The following MSL1 variants were observed in gnomAD, a reference collection of about 807,000 sequenced individuals.
MSL1 encodes male-specific lethal 1 homolog.
A neutral mutation model predicts 64.6 loss-of-function variants in MSL1; 21 were observed. The observed-to-expected ratio is 0.33, with a 90% CI of 0.23 to 0.47. MSL1 has a LOEUF of 0.47. Ranked by LOEUF, MSL1 falls within the 20% of genes least tolerant of loss-of-function variation. The probability of loss-of-function intolerance (pLI) is 1.00; values close to 1 mark genes in which losing one functional copy is unlikely to be tolerated. For missense variants in MSL1, 664 were observed against 793.2 expected (o/e 0.84, Z 1.96); for synonymous variants, 339 against 329.6 (o/e 1.03, Z -0.31).
intron 1 of MSL1, 133 bp downstream of exon 1, chr17:40,123,513 T>A: frequency 1.3e-6 from 1 of 799,054 alleles, no homozygotes; most frequent in Non-Finnish European, 2.0e-6. Flanking sequence ...AGGAGTATCT[T>A]AGGCGCTGGG....
rs990961341 is a variant in MSL1 at position 40,122,956 on chromosome 17, G to C, written c.344G>C (p.Gly115Ala). The change falls in exon 1 of 9, where the codon GGG becomes GCG. Residue 115 changes from glycine to alanine, a missense_variant. By Grantham distance (60) the Gly-to-Ala change is moderately conservative (BLOSUM62 0). This residue lies in a region of MSL1 where 466 missense variants were observed against 499.0 expected (regional missense o/e 0.93). Coordinates refer to ENST00000398532, the MANE Select transcript of MSL1 (RefSeq NM_001365919.1). The surrounding 1 kb of genome is among the most constrained non-coding windows in gnomAD (Gnocchi z 4.2). The part of the protein sequence containing the change: ...PPPATKQAGI[G>A]GEPAAAGAGC... ...CCGGCCACCAAGCAAGCCGGCATTGGGGGGGAGCCTGCCGCAGCCGGAGCC... is the reference window on the plus strand; with the variant it reads ...CCGGCCACCAAGCAAGCCGGCATTGCGGGGGAGCCTGCCGCAGCCGGAGCC... The C allele has an allele frequency of 5.0e-5, 76 of 1,526,210 alleles. No individual in the cohort carries two copies. The highest frequency in any genetic ancestry group is 1.5e-4 in the East Asian group (6 of 39,446). 94.5% of individuals were successfully genotyped at this position (1,526,210 alleles called of 1,614,324 possible).
chr17:40,122,561 C>T lies in MSL1; in HGVS notation c.-52C>T. 7.5e-7 allele frequency: 1 copy of T among 1,337,062 alleles called. No individual in the cohort carries two copies. The highest frequency in any genetic ancestry group is 9.6e-7 in the Non-Finnish European group (1 of 1,036,402). The allele number at this position is 1,337,062 out of a possible 1,614,324, so 82.8% of individuals were successfully genotyped here. A position where few individuals can be genotyped will look rare whatever the true frequency, so the allele number is the denominator to read the frequency against. ...CAGTCCTCGACCCCCCGCACCTCGC[C>T]CCTTCCCCACCCCCTCCTCCGCCTC... On this transcript the variant is annotated 5_prime_UTR_variant, in exon 1 of 9. Coordinates refer to ENST00000398532, the MANE Select transcript of MSL1 (RefSeq NM_001365919.1). The surrounding 1 kb of genome is among the most constrained non-coding windows in gnomAD (Gnocchi z 4.2).
rs768987630 is a variant in MSL1 at position 40,133,909 on chromosome 17, C to T, written c.1754+10C>T. The T allele has an allele frequency of 6.2e-7, 1 of 1,610,430 alleles. No individual in the cohort carries two copies. Among genetic ancestry groups the T allele is most frequent in the Non-Finnish European group, 8.5e-7 (1 of 1,176,626 alleles). ...CAAAATTAACTCCACAGTAAGTATA[C>T]ATTTTTTTTCTCCCCTTCCAGGTAA... On this transcript the variant is annotated intron_variant, in intron 8 of 8. Transcript: ENST00000398532.
At position 40,122,639 on chromosome 17, in the gene MSL1, G is replaced by T; in HGVS notation, c.27G>T (p.Lys9Asn). MTMRSAVFKAAAAPAGGNP... is the reference protein window; with the variant it reads MTMRSAVFNAAAAPAGGNP... The stretch of plus-strand genomic sequence containing the variant: ...TGACCATGAGATCCGCGGTGTTCAA[G>T]GCGGCCGCGGCCCCTGCCGGCGGCA... The change falls in exon 1 of 9, where the codon AAG becomes AAT. Residue 9 changes from lysine (K) to asparagine (N), a missense_variant. By Grantham distance (94) the Lys-to-Asn change is moderately conservative. Transcript: ENST00000398532. This position sits in a 1 kb window ranked among gnomAD's most constrained non-coding sequence, Gnocchi z 4.2. The T allele has an allele frequency of 6.7e-7, 1 of 1,489,990 alleles. No homozygotes were observed. Among genetic ancestry groups the T allele is most frequent in the Admixed American group, 2.2e-5 (1 of 45,062 alleles). 92.3% of individuals were successfully genotyped at this position (1,489,990 alleles called of 1,614,324 possible).
intron 5 of MSL1, 100 bp from the exon 6 acceptor site, chr17:40,132,942 G>A: frequency 2.6e-6 from 3 of 1,137,600 alleles, no homozygotes; most frequent in Non-Finnish European, 3.8e-6. Flanking sequence ...GAACCGGAAG[G>A]TGAAAGATTT....
intron 1 of MSL1, among the ~76,000 whole-genome samples, 186 bp downstream of exon 1, chr17:40,123,566 G>A (rs1988244135): frequency 1.3e-5 from 2 of 152,074 alleles, no homozygotes; most frequent in Admixed American, 6.5e-5. Context: ...TTGGAGGGAA[G>A]GGTTAAAGGG....
Position 40,135,670 on chromosome 17 carries a change from G to C in MSL1, c.*1301G>C, listed in dbSNP as rs914619478. 1.2e-4 allele frequency: 19 copies of C among 152,218 alleles called. No individual in the cohort carries two copies. The highest frequency in any genetic ancestry group is 4.3e-4 in the African/African-American group (18 of 41,440). 9.4% of individuals were successfully genotyped at this position (152,218 alleles called of 1,614,324 possible). A position where few individuals can be genotyped will look rare whatever the true frequency, so the allele number is the denominator to read the frequency against. On this transcript the variant is annotated 3_prime_UTR_variant, in exon 9 of 9. Transcript: ENST00000398532. The stretch of plus-strand genomic sequence containing the variant: ...CTGGCCCATCAGTGGAGCACGAAGA[G>C]AGAATGGGATACCATTGTGGGAAGA...
At chr17:40,133,371 A>G in intron 6 of MSL1, 163 bp from the exon 7 acceptor site, 1 of 916,380 alleles carries the variant, frequency 1.1e-6, no homozygotes, top group Non-Finnish European at 1.6e-6. Flanking sequence ...CGGTAGACCT[A>G]AACAGCTCTC....
Position 40,134,647 on chromosome 17 carries a change from G to C in MSL1, c.*278G>C, listed in dbSNP as rs745447621. 8 of 428,450 alleles carry C rather than the reference G, an allele frequency of 1.9e-5. No homozygotes were observed. The highest frequency in any genetic ancestry group is 2.6e-5 in the Non-Finnish European group (6 of 232,836). 26.5% of individuals were successfully genotyped at this position (428,450 alleles called of 1,614,324 possible). ...GGATGGCAGATTCAGAAGTTTCAGGGGTCTGTTTCTATACATTTGCCTATG... is the reference window on the plus strand; with the variant it reads ...GGATGGCAGATTCAGAAGTTTCAGGCGTCTGTTTCTATACATTTGCCTATG... On this transcript the variant is annotated 3_prime_UTR_variant, in exon 9 of 9. Transcript: ENST00000398532.
rs1283222644 is a variant in MSL1 at position 40,136,255 on chromosome 17, C to A, written c.*1886C>A. On this transcript the variant is annotated 3_prime_UTR_variant, in exon 9 of 9. Coordinates refer to ENST00000398532, the MANE Select transcript of MSL1 (RefSeq NM_001365919.1). The stretch of plus-strand genomic sequence containing the variant: ...TTAACCATTGTGTTTGTGCCCTACC[C>A]AGGGGACTCCCCAGTTTCTGACTTG... 6.6e-6 allele frequency: 1 copy of A among 152,342 alleles called. No homozygotes were observed. The highest frequency in any genetic ancestry group is 2.1e-4 in the South Asian group (1 of 4,832). The allele number at this position is 152,342 out of a possible 1,614,324, so 9.4% of individuals were successfully genotyped here.
chr17:40,133,649 C>G lies in MSL1; in HGVS notation c.1672C>G (p.Pro558Ala), dbSNP rs761346480. 6.2e-7 allele frequency: 1 copy of G among 1,613,518 alleles called. No homozygotes were observed. The highest frequency in any genetic ancestry group is 1.1e-5 in the South Asian group (1 of 91,036). The change falls in exon 7 of 9, where the codon CCA (proline) becomes GCA (alanine). Residue 558 changes from proline (P) to alanine (A), a missense_variant. Transcript: ENST00000398532. ...EPEVTSFFPE[P>A]DDVESLMITP... is the part of the protein sequence containing the mutation. ...TGAGGTTACCTCATTTTTCCCTGAG[C>G]CAGATGATGGTAAGTTGTGTCCATC...
intron 1 of MSL1, 99 bp downstream of exon 1, chr17:40,123,479 G>T: frequency 8.2e-7 from 1 of 1,218,154 alleles, no homozygotes; most frequent in Admixed American, 2.5e-5. Context: ...CGGGTTAGGG[G>T]TAAAGGAGGT....
At chr17:40,127,531 G>T (rs1248123420) in intron 2 of MSL1, among the ~76,000 whole-genome samples, 1 of 152,002 alleles carries the variant, frequency 6.6e-6, no homozygotes, top group Non-Finnish European at 1.5e-5. Flanking sequence ...CCCAGGCTGG[G>T]GTGCAAGTGT....
At chr17:40,123,472 G>A (rs1194286034) in intron 1 of MSL1, 92 bp downstream of exon 1, 2 of 1,320,022 alleles carry the variant, frequency 1.5e-6, no homozygotes, top group African/African-American at 1.5e-5. Flanking sequence ...GCACCCCCGG[G>A]TTAGGGGTAA....
Position 40,126,334 on chromosome 17 carries a change from A to C in MSL1, c.920A>C (p.Glu307Ala), listed in dbSNP as rs1158525208. The change falls in exon 2 of 9, where the codon GAG (glutamate) becomes GCG (alanine). Residue 307 changes from glutamate (E) to alanine (A), a missense_variant. By Grantham distance (107) the Glu-to-Ala change is moderately radical. Around this residue, in one of 4 missense-constraint regions of MSL1, gnomAD observed 466 missense variants for 499.0 expected, o/e 0.93. Transcript: ENST00000398532. ...SEKIKLECQP[E>A]LSETSQTLPP... Reference sequence around the variant, plus strand: ...AAAATTAAACTGGAGTGCCAGCCGGAGCTTTCCGAGACATCCCAGACTCTG... The same window carrying C: ...AAAATTAAACTGGAGTGCCAGCCGGCGCTTTCCGAGACATCCCAGACTCTG... 5 of 1,613,884 alleles carry C rather than the reference A, an allele frequency of 3.1e-6. No homozygotes were observed. The Admixed American group carries it at 8.3e-5, about 27-fold the overall frequency.
rs754634529 is a variant in MSL1 at position 40,126,193 on chromosome 17, G to T, written c.779G>T (p.Arg260Leu). 1 of 1,613,812 alleles carries T rather than the reference G, an allele frequency of 6.2e-7. No individual in the cohort carries two copies. Among genetic ancestry groups the T allele is most frequent in the Non-Finnish European group, 8.5e-7 (1 of 1,179,894 alleles). ...LKSERDTLLA[R>L]IERMERRMQL... ...TACTCTCTCTTTTAGCTCCTTGCTC[G>T]GATTGAACGTATGGAAAGGCGGATG... is the stretch of plus-strand genomic sequence containing the variant. Residue 260 changes from arginine to leucine, a missense_variant, in exon 2 of 9, where the codon CGG (arginine) becomes CTG (leucine). This residue lies in a region of MSL1 where 466 missense variants were observed against 499.0 expected (regional missense o/e 0.93). Transcript: ENST00000398532.
rs1393366997 is a variant in MSL1, at chr17:40,135,795, A to C, written c.*1426A>C. ...CTTTTAAAGGAATTATTCTGGCAGC[A>C]CATGTAGTATTCTTGGATGATCTTG... is the stretch of plus-strand genomic sequence containing the variant. On this transcript the variant is annotated 3_prime_UTR_variant, in exon 9 of 9. Coordinates refer to ENST00000398532, the MANE Select transcript of MSL1 (RefSeq NM_001365919.1). 1 of 152,284 alleles carries C rather than the reference A, an allele frequency of 6.6e-6. No individual in the cohort carries two copies. Among genetic ancestry groups the C allele is most frequent in the Non-Finnish European group, 1.5e-5 (1 of 68,032 alleles). The allele number at this position is 152,284 out of a possible 1,614,324, so 9.4% of individuals were successfully genotyped here.
chr17:40,132,136 G>A, intron 5 of MSL1, 38 bp downstream of exon 5: 1 of 1,423,234 alleles, frequency 7.0e-7, no homozygotes, highest in South Asian at 1.2e-5. Flanking sequence ...GAGAGTAAGA[G>A]ATTAAATAGA....
At chr17:40,123,427 G>T in intron 1 of MSL1, 47 bp downstream of exon 1, 3 of 1,517,272 alleles carry the variant, frequency 2.0e-6, no homozygotes, top group Non-Finnish European at 2.7e-6. Context: ...CGAGTTGTGC[G>T]CATGCTCGGG....
Sources: gnomAD v4.1 joint callset for allele counts (sites outside exome capture counted in the v4.1 genomes callset) on GRCh38, gnomAD v4.1.1 for gene constraint, gnomAD v4.1.1 regional missense constraint, Gnocchi (gnomAD v3.1) non-coding constraint, MANE v1.5 for transcripts, NCBI Gene and HGNC (gene_info 2026-07-23, HGNC 2026-07-21) for gene names.